WDR26: variants seen among roughly 807,000 people sequenced by gnomAD.
WDR26 encodes the protein WD repeat-containing protein 26.
In WDR26, 5 loss-of-function variants were observed where a neutral mutation model predicts 84.1. The observed-to-expected ratio is 0.06, with a 90% CI of 0.03 to 0.13. The LOEUF is 0.13. Ranked by LOEUF, WDR26 falls within the 10% of genes least tolerant of loss-of-function variation. The probability of loss-of-function intolerance (pLI) is 1.00; values close to 1 mark genes in which losing one functional copy is unlikely to be tolerated. For missense variants in WDR26, 642 were observed against 974.9 expected, an observed-to-expected ratio of 0.66 and a Z score of 4.55; for synonymous variants, 415 against 389.6, an observed-to-expected ratio of 1.07 and a Z score of -0.77.
At chr1:224,425,353 T>G (rs1159910327) in intron 3 of WDR26, among the ~76,000 whole-genome samples, 1 of 152,224 alleles carries the variant, frequency 6.6e-6, no homozygotes, top group Non-Finnish European at 1.5e-5. Flanking sequence ...TAAAGGTTTT[T>G]AAAAAGATTC....
intron 1 of WDR26, among the ~76,000 whole-genome samples, chr1:224,432,097 A>G (rs1414613724): frequency 6.6e-6 from 1 of 152,250 alleles, no homozygotes; most frequent in East Asian, 1.9e-4. Context: ...CAAATAAATG[A>G]AAAACCAGAA....
At position 224,403,586 on chromosome 1, in the gene WDR26, A is replaced by T. The variant is rs142839804; in HGVS notation, c.1599+844T>A. 3.1e-3 allele frequency among the ~76,000 whole-genome samples: 471 copies of T among 152,338 alleles called. 1 individual carries two copies. The highest frequency in any genetic ancestry group is 0.01 in the African/African-American group (436 of 41,576). On this transcript the variant is annotated intron_variant, in intron 8 of 13. Transcript: ENST00000414423. ...ACATGAACTGTAAATAACAAACTGA[A>T]CCTAATGCCGACTTTTCCTAAAATG...
At chr1:224,429,506 G>A (rs1674324784) in intron 3 of WDR26, 1 of 152,172 alleles carries the variant, frequency 6.6e-6, no homozygotes, top group Non-Finnish European at 1.5e-5. Context: ...TTCTGGAGAT[G>A]GGATGGATGA....
chr1:224,424,795 T>C (rs1393178499), intron 3 of WDR26, 141 bp from the exon 4 acceptor site: 3 of 1,080,904 alleles, frequency 2.8e-6, no homozygotes, highest in Non-Finnish European at 4.0e-6. Context: ...TGACTCAAAA[T>C]ATTTTAGTTT....
intron 3 of WDR26, 95 bp from the exon 4 acceptor site, chr1:224,424,749 A>G: frequency 2.0e-6 from 3 of 1,477,820 alleles, no homozygotes; most frequent in Non-Finnish European, 2.8e-6. Flanking sequence ...CCATTCTACT[A>G]TGCCCTTTGA....
chr1:224,389,613 C>A lies in WDR26; in HGVS notation c.*222G>T. On this transcript the variant is annotated 3_prime_UTR_variant, in exon 14 of 14. Coordinates refer to ENST00000414423, the MANE Select transcript of WDR26 (RefSeq NM_001379403.1). ...CTTCACAACCGATGGGGGAATAATTCAACATGGTGTCCAACAACGTTCTAA... is the reference window on the plus strand; with the variant it reads ...CTTCACAACCGATGGGGGAATAATTAAACATGGTGTCCAACAACGTTCTAA... The A allele has an allele frequency of 1.7e-6, 1 of 599,420 alleles. No homozygotes were observed. 37.1% of individuals were successfully genotyped at this position (599,420 alleles called of 1,614,324 possible).
In WDR26 at chr1:224,410,043, G is replaced by A. The variant is rs188269833; in HGVS notation, c.1458+1384C>T. Among the ~76,000 whole-genome samples the A allele has an allele frequency of 3.6e-3, 542 of 152,064 alleles. 3 individuals carry two copies. The highest frequency in any genetic ancestry group is 0.012 in the African/African-American group (508 of 41,466). ...CGCCTGTAATCCCAGCACTTTGGGA[G>A]GCCGAGGAGGGCAGATCACCTGAGG... is the stretch of plus-strand genomic sequence containing the variant. On this transcript the variant is annotated intron_variant, in intron 7 of 13. Transcript: ENST00000414423.
chr1:224,434,741 G>GGATCC lies in WDR26; in HGVS notation c.-341_-337dup, dbSNP rs1227725553. On this transcript the variant is annotated 5_prime_UTR_variant, in exon 1 of 14. Transcript: ENST00000414423. ...GGAGGCAGCTGCCGCCTCTGTCCTC[G>GGATCC]GATCCGCTCCGCTCTGCTCCCTGGT... The GGATCC allele has an allele frequency of 1.0e-6, 1 of 986,738 alleles. No homozygotes were observed. The highest frequency in any genetic ancestry group is 1.2e-6 in the Non-Finnish European group (1 of 831,070). 61.1% of individuals were successfully genotyped at this position (986,738 alleles called of 1,614,324 possible). A position where few individuals can be genotyped will look rare whatever the true frequency, so the allele number is the denominator to read the frequency against.
Position 224,386,286 on chromosome 1 carries a change from TTAAAG to T in WDR26, c.*3544_*3548del, listed in dbSNP as rs1206799751. On this transcript the variant is annotated 3_prime_UTR_variant, in exon 14 of 14. Transcript: ENST00000414423. Reference sequence around the variant, plus strand: ...CAGTTGCGAAATTATGAATGAGAAATTAAAGTAAAACCAAATCAAAATATTTATAC... The same window carrying T: ...CAGTTGCGAAATTATGAATGAGAAATTAAAACCAAATCAAAATATTTATAC... 2 of 152,564 alleles carry T rather than the reference TTAAAG, an allele frequency of 1.3e-5. No homozygotes were observed. Among genetic ancestry groups the T allele is most frequent in the Non-Finnish European group, 2.9e-5 (2 of 68,006 alleles). 9.5% of individuals were successfully genotyped at this position (152,564 alleles called of 1,614,324 possible). A position where few individuals can be genotyped will look rare whatever the true frequency, so the allele number is the denominator to read the frequency against.
At chr1:224,423,658 G>A (rs999652083) in intron 4 of WDR26, among the ~76,000 whole-genome samples, 17 of 152,238 alleles carry the variant, frequency 1.1e-4, no homozygotes, top group Admixed American at 1.0e-3. Flanking sequence ...TGAGGCAGGA[G>A]GATGGCTTGA....
intron 4 of WDR26, among the ~76,000 whole-genome samples, chr1:224,419,928 C>T (rs1674012678): frequency 6.6e-6 from 1 of 152,022 alleles, no homozygotes; most frequent in Non-Finnish European, 1.5e-5. Flanking sequence ...TATAACAACC[C>T]TGTAAGCACT....
At chr1:224,433,626 C>CCA in intron 1 of WDR26, 58 bp downstream of exon 1, 3 of 1,322,590 alleles carry the variant, frequency 2.3e-6, no homozygotes, top group Non-Finnish European at 2.9e-6. Flanking sequence ...TCCCCTACCC[C>CCA]CCTGGAGCCT....
At chr1:224,408,461 T>G (rs188249286) in intron 7 of WDR26, among the ~76,000 whole-genome samples, 1 of 152,202 alleles carries the variant, frequency 6.6e-6, no homozygotes, top group Non-Finnish European at 1.5e-5. Flanking sequence ...ACACTGCTAC[T>G]AGGAAAAACT....
chr1:224,389,938 T>C, intron 13 of WDR26, 78 bp from the exon 14 acceptor site: 1 of 1,155,324 alleles, frequency 8.7e-7, no homozygotes, highest in South Asian at 1.4e-5. Flanking sequence ...AATTACCAGT[T>C]AGAAAGTTTC....
chr1:224,429,090 C>T (rs1317928656), intron 3 of WDR26, among the ~76,000 whole-genome samples: 1 of 151,414 alleles, frequency 6.6e-6, no homozygotes. Flanking sequence ...GGTGAAACCC[C>T]ATCTACACTA....
intron 4 of WDR26, 72 bp from the exon 5 acceptor site, chr1:224,419,687 G>T: frequency 8.2e-7 from 1 of 1,218,666 alleles, no homozygotes; most frequent in Non-Finnish European, 1.2e-6. Flanking sequence ...GAAAAGTACT[G>T]ACCATCTGGC....
chr1:224,421,244 A>AG (rs1317934192), intron 4 of WDR26, among the ~76,000 whole-genome samples: 1 of 152,160 alleles, frequency 6.6e-6, no homozygotes, highest in Non-Finnish European at 1.5e-5. Flanking sequence ...TTCTGACACA[A>AG]GAGCAGGAAA....
intron 7 of WDR26, among the ~76,000 whole-genome samples, chr1:224,408,085 A>G (rs1204558070): frequency 6.6e-6 from 1 of 152,190 alleles, no homozygotes; most frequent in African/African-American, 2.4e-5. Context: ...CACTGGCATA[A>G]GAGTCTAAAC....
At chr1:224,432,430 A>G (rs1054836996) in intron 1 of WDR26, among the ~76,000 whole-genome samples, 1 of 152,196 alleles carries the variant, frequency 6.6e-6, no homozygotes, top group African/African-American at 2.4e-5. Flanking sequence ...CCTTTTCCCT[A>G]GGGAATAAAG....
Sources: gnomAD v4.1 joint callset for allele counts (sites outside exome capture counted in the v4.1 genomes callset) on GRCh38, gnomAD v4.1.1 for gene constraint, MANE v1.5 for transcripts, NCBI Gene and HGNC (gene_info 2026-07-23, HGNC 2026-07-21) for gene names.